AK9: variants seen among roughly 807,000 people sequenced by gnomAD.
The protein encoded by AK9 is adenylate kinase 9.
In AK9, 191 loss-of-function variants were observed where a neutral mutation model predicts 239.6. The ratio of observed to expected loss-of-function variants is 0.80; its 90% CI spans 0.71 to 0.90. AK9 has a LOEUF of 0.90. Among genes scored for constraint, AK9 ranks in the 40% least tolerant of loss-of-function variants. The pLI is 0.00. For synonymous variants in AK9, 689 were observed against 721.0 expected, an observed-to-expected ratio of 0.96 and a Z score of 0.71; for missense variants, 1,995 against 2,214.7, an observed-to-expected ratio of 0.90 and a Z score of 1.99.
At chr6:109,508,809 A>G (rs1395186850) in intron 33 of AK9, among the ~76,000 whole-genome samples, 1 of 152,194 alleles carries the variant, frequency 6.6e-6, no homozygotes, top group Non-Finnish European at 1.5e-5. Context: ...GACCATCTCC[A>G]CTGGACCAGC....
At chr6:109,598,612 T>C (rs1791413316) in intron 17 of AK9, among the ~76,000 whole-genome samples, 1 of 152,218 alleles carries the variant, frequency 6.6e-6, no homozygotes. Context: ...CTGGGTCAAA[T>C]GGTATTTCTA....
In AK9 at chr6:109,533,389, A is replaced by C; in HGVS notation, c.3432T>G (p.Asp1144Glu). The change falls in exon 28 of 41, where the codon GAT (aspartate) becomes GAG (glutamate). Residue 1144 changes from aspartate to glutamate, a missense_variant. Physicochemically the swap from Asp to Glu is conservative, Grantham distance 45. Coordinates refer to ENST00000424296, the MANE Select transcript of AK9 (RefSeq NM_001145128.3). ...QFLGDRGFFP[D>E]AAVFIQVDDQ... ...CATCAACTTGTATAAAAACAGCTGC[A>C]TCTGGGAAAAATCCACGATCTCCCA... 6.2e-7 allele frequency: 1 copy of C among 1,610,898 alleles called. No homozygotes were observed. The highest frequency in any genetic ancestry group is 8.5e-7 in the Non-Finnish European group (1 of 1,178,590).
chr6:109,600,641 T>C (rs554389160), intron 17 of AK9, among the ~76,000 whole-genome samples: 100 of 152,348 alleles, frequency 6.6e-4, no homozygotes, highest in Non-Finnish European at 1.1e-3. Flanking sequence ...TGGATTAGTT[T>C]CAGAAGGAAT....
At chr6:109,612,762 A>G (rs1340222568) in intron 15 of AK9, among the ~76,000 whole-genome samples, 1 of 152,122 alleles carries the variant, frequency 6.6e-6, no homozygotes, top group Non-Finnish European at 1.5e-5. Flanking sequence ...ATCTGTCTGA[A>G]TTAGTAGGAG....
chr6:109,643,119 A>C (rs970079071), intron 9 of AK9, among the ~76,000 whole-genome samples: 7 of 152,128 alleles, frequency 4.6e-5, no homozygotes, highest in African/African-American at 1.7e-4. Flanking sequence ...AAGCCAAGGG[A>C]AGAAGGGTGC....
intron 21 of AK9, among the ~76,000 whole-genome samples, chr6:109,565,486 T>A (rs11966130): frequency 0.3 from 17,532 of 57,726 alleles, 1,292 homozygotes; most frequent in South Asian, 0.47. Context: ...TAAAAAAAAA[T>A]TTTTTTTCAA....
intron 33 of AK9, 60 bp downstream of exon 33, chr6:109,509,119 C>T (rs1444328547): frequency 1.2e-5 from 17 of 1,462,244 alleles, no homozygotes; most frequent in South Asian, 6.5e-5. Context: ...AAATCACGAG[C>T]GAGCAGTTTC....
At chr6:109,653,544 T>C (rs779096768) in intron 8 of AK9, among the ~76,000 whole-genome samples, 11 of 152,234 alleles carry the variant, frequency 7.2e-5, no homozygotes, top group Non-Finnish European at 1.2e-4. Context: ...ATCTGGCATG[T>C]GGATTGCAAA....
At chr6:109,686,470 AC>A (rs1773526961) in intron 1 of AK9, among the ~76,000 whole-genome samples, 1 of 152,144 alleles carries the variant, frequency 6.6e-6, no homozygotes. Flanking sequence ...TACTGTTTTG[AC>A]CCATTTAGTG....
At position 109,493,587 on chromosome 6, in the gene AK9, C is replaced by A. The variant is rs758197459; in HGVS notation, c.5534-16G>T. ...GGATTAAATGCTGTAGAAAATTTCA[C>A]AGAACTGTGAATAATTTCTGCTAGT... On this transcript the variant is annotated splice_polypyrimidine_tract_variant and intron_variant, in intron 40 of 40. Coordinates refer to ENST00000424296, the MANE Select transcript of AK9 (RefSeq NM_001145128.3). 6 of 1,599,528 alleles carry A rather than the reference C, an allele frequency of 3.8e-6. No individual in the cohort carries two copies. The highest frequency in any genetic ancestry group is 3.4e-6 in the Non-Finnish European group (4 of 1,168,812).
At chr6:109,539,237 C>T (rs1404597711) in intron 27 of AK9, among the ~76,000 whole-genome samples, 11 of 152,348 alleles carry the variant, frequency 7.2e-5, no homozygotes, top group Non-Finnish European at 1.5e-5. Context: ...CTTTCAGGTA[C>T]ACCAATCAGA....
At chr6:109,496,786 C>T (rs2115396790) in intron 38 of AK9, among the ~76,000 whole-genome samples, 1 of 152,264 alleles carries the variant, frequency 6.6e-6, no homozygotes, top group South Asian at 2.1e-4. Context: ...CTGGCAGCCT[C>T]ATCACTGGTA....
intron 28 of AK9, among the ~76,000 whole-genome samples, chr6:109,531,917 G>T (rs566633226): frequency 6.6e-6 from 1 of 152,144 alleles, no homozygotes; most frequent in Non-Finnish European, 1.5e-5. Flanking sequence ...ACCAGTGATG[G>T]CCTGGGACAT....
intron 39 of AK9, 121 bp from the exon 40 acceptor site, chr6:109,494,216 G>A: frequency 1.7e-6 from 1 of 597,900 alleles, no homozygotes; most frequent in Non-Finnish European, 3.0e-6. Context: ...GAGTGGGGAT[G>A]GGGCTTATAA....
intron 21 of AK9, among the ~76,000 whole-genome samples, chr6:109,566,792 A>G (rs1786591835): frequency 6.6e-6 from 1 of 152,228 alleles, no homozygotes; most frequent in African/African-American, 2.4e-5. Context: ...AAACCACTCA[A>G]CTACATGGAA....
chr6:109,586,173 GTTC>G (rs769853642), intron 17 of AK9, 101 bp from the exon 18 acceptor site: 69 of 1,028,866 alleles, frequency 6.7e-5, no homozygotes, highest in South Asian at 2.5e-4. Flanking sequence ...TATCTTTTGA[GTTC>G]TTCTTTCAAA....
chr6:109,569,673 G>GA (rs2128191315), intron 21 of AK9, among the ~76,000 whole-genome samples: 1 of 152,236 alleles, frequency 6.6e-6, no homozygotes, highest in African/African-American at 2.4e-5. Flanking sequence ...ACAGACCCAT[G>GA]AAAAAATGCT....
chr6:109,511,082 TAAC>T (rs936610605), intron 32 of AK9, among the ~76,000 whole-genome samples: 3 of 150,416 alleles, frequency 2.0e-5, no homozygotes, highest in African/African-American at 4.9e-5. Context: ...TTTTTTTCCT[TAAC>T]AAACCAATTT....
intron 5 of AK9, among the ~76,000 whole-genome samples, chr6:109,667,745 TG>T (rs1340572460): frequency 2.6e-5 from 4 of 152,250 alleles, no homozygotes; most frequent in Non-Finnish European, 4.4e-5. Context: ...TCATTTTTTA[TG>T]GCTGCATAGT....
Sources: gnomAD v4.1 joint callset for allele counts (sites outside exome capture counted in the v4.1 genomes callset) on GRCh38, gnomAD v4.1.1 for gene constraint, MANE v1.5 for transcripts, NCBI Gene and HGNC (gene_info 2026-07-23, HGNC 2026-07-21) for gene names.